ASAP1: variants seen among roughly 807,000 people sequenced by gnomAD.
ASAP1 encodes ArfGAP with SH3 domain, ankyrin repeat and PH domain 1, also known as arf-GAP with SH3 domain, ANK repeat and PH domain-containing protein 1.
ASAP1 carries 43 observed loss-of-function variants against 145.2 expected under a neutral mutation model. The observed-to-expected ratio is 0.30, with a 90% CI of 0.23 to 0.38. ASAP1 has a LOEUF of 0.38. Among genes scored for constraint, ASAP1 ranks in the 10% least tolerant of loss-of-function variants. The probability of loss-of-function intolerance (pLI) is 1.00; values close to 1 mark genes in which losing one functional copy is unlikely to be tolerated. For synonymous variants in ASAP1, 546 were observed against 515.5 expected, an observed-to-expected ratio of 1.06 and a Z score of -0.80; for missense variants, 1,018 against 1,355.3, an observed-to-expected ratio of 0.75 and a Z score of 3.91.
intron 5 of ASAP1, among the ~76,000 whole-genome samples, chr8:130,214,316 T>A (rs1377262337): frequency 6.6e-6 from 1 of 152,198 alleles, no homozygotes; most frequent in African/African-American, 2.4e-5. Context: ...CTCTATCAGC[T>A]GGGCCAAAGG....
At chr8:130,299,357 T>C (rs1304511844) in intron 3 of ASAP1, among the ~76,000 whole-genome samples, 5 of 152,236 alleles carry the variant, frequency 3.3e-5, no homozygotes, top group South Asian at 2.1e-4. Flanking sequence ...GCTACACGTA[T>C]GCACAGGGAA....
intron 7 of ASAP1, among the ~76,000 whole-genome samples, chr8:130,184,568 A>G (rs752352224): frequency 2.0e-5 from 3 of 152,240 alleles, no homozygotes; most frequent in Non-Finnish European, 2.9e-5. Context: ...GACAATACAG[A>G]TAAGTGAGAA....
intron 3 of ASAP1, among the ~76,000 whole-genome samples, chr8:130,301,082 C>A (rs1488042455): frequency 2.6e-5 from 4 of 152,172 alleles, no homozygotes; most frequent in Admixed American, 2.6e-4. Flanking sequence ...GCCAAAAAGT[C>A]CATTAGTTCA....
intron 17 of ASAP1, among the ~76,000 whole-genome samples, chr8:130,124,515 A>G (rs868226514): frequency 2.0e-5 from 3 of 152,350 alleles, no homozygotes; most frequent in Middle Eastern, 3.4e-3. Flanking sequence ...ATCAACCACC[A>G]TCATGTTTCC....
intron 24 of ASAP1, among the ~76,000 whole-genome samples, chr8:130,104,089 T>C (rs1397956338): frequency 6.6e-6 from 1 of 152,198 alleles, no homozygotes. Context: ...GCATGATCTG[T>C]ACTGTCTCCA....
At chr8:130,376,109 C>A (rs1827478428) in intron 2 of ASAP1, among the ~76,000 whole-genome samples, 1 of 152,202 alleles carries the variant, frequency 6.6e-6, no homozygotes, top group South Asian at 2.1e-4. Flanking sequence ...GCACATACTA[C>A]AGTAATTCAG....
chr8:130,100,288 T>C (rs1340918171), intron 24 of ASAP1, among the ~76,000 whole-genome samples: 2 of 152,188 alleles, frequency 1.3e-5, no homozygotes, highest in South Asian at 4.1e-4. Flanking sequence ...TTTTTTCATA[T>C]ACTTATTAGC....
intron 3 of ASAP1, among the ~76,000 whole-genome samples, chr8:130,307,914 T>C (rs1823092890): frequency 6.6e-6 from 1 of 152,228 alleles, no homozygotes; most frequent in South Asian, 2.1e-4. Flanking sequence ...AACTTTAGTG[T>C]TAAAATACAC....
At chr8:130,193,833 C>A (rs1261374301) in intron 5 of ASAP1, among the ~76,000 whole-genome samples, 2 of 152,200 alleles carry the variant, frequency 1.3e-5, no homozygotes, top group African/African-American at 4.8e-5. Context: ...GTACTGACCA[C>A]ACACCAAACA....
intron 3 of ASAP1, among the ~76,000 whole-genome samples, chr8:130,261,827 T>G (rs1819918103): frequency 1.3e-5 from 2 of 151,972 alleles, no homozygotes; most frequent in Admixed American, 1.3e-4. Context: ...TCAAGGGATC[T>G]CCCTCCCTCC....
At chr8:130,278,701 T>C (rs1821072164) in intron 3 of ASAP1, among the ~76,000 whole-genome samples, 1 of 152,226 alleles carries the variant, frequency 6.6e-6, no homozygotes, top group South Asian at 2.1e-4. Context: ...GGATATTTTA[T>C]CCATATGCAT....
Position 130,128,701 on chromosome 8 carries a change from A to T in ASAP1, c.1218-611T>A, listed in dbSNP as rs76239957. Reference sequence around the variant, plus strand: ...AGATTTACTTATATACAGTATGACTACTGTATGTCCCAAACAAAATAACCC... The same window carrying T: ...AGATTTACTTATATACAGTATGACTTCTGTATGTCCCAAACAAAATAACCC... On this transcript the variant is annotated intron_variant, in intron 15 of 29. Transcript: ENST00000518721. 3.2e-3 allele frequency among the ~76,000 whole-genome samples: 484 copies of T among 152,322 alleles called. 2 individuals are homozygous for T. Among genetic ancestry groups the T allele is most frequent in the African/African-American group, 0.011 (459 of 41,568 alleles).
At chr8:130,433,407 A>G (rs368472545) in intron 1 of ASAP1, among the ~76,000 whole-genome samples, 28 of 152,308 alleles carry the variant, frequency 1.8e-4, no homozygotes, top group African/African-American at 6.0e-4. Flanking sequence ...AGTAAAGCCC[A>G]GACACCTCTT....
In ASAP1 at chr8:130,057,175, T is replaced by C. The variant is rs1024846412; in HGVS notation, c.3315+779A>G. On this transcript the variant is annotated intron_variant, in intron 29 of 29. Transcript: ENST00000518721. Reference sequence around the variant, plus strand: ...TTGAGTCTGAGGACTTGTCAACTGCTCAGCCTGAGCAGGAACTTGGGCATT... The same window carrying C: ...TTGAGTCTGAGGACTTGTCAACTGCCCAGCCTGAGCAGGAACTTGGGCATT... 5.9e-5 allele frequency among the ~76,000 whole-genome samples: 9 copies of C among 152,176 alleles called. No individual in the cohort carries two copies. The East Asian group carries it at 1.7e-3, about 29-fold the overall frequency.
At chr8:130,119,009 A>T (rs907888116) in intron 18 of ASAP1, among the ~76,000 whole-genome samples, 2 of 152,230 alleles carry the variant, frequency 1.3e-5, no homozygotes, top group African/African-American at 2.4e-5. Context: ...TAAATTTAAA[A>T]ATTTAAGAAG....
At chr8:130,210,313 T>G (rs1205251708) in intron 5 of ASAP1, among the ~76,000 whole-genome samples, 1 of 152,224 alleles carries the variant, frequency 6.6e-6, no homozygotes, top group Admixed American at 6.5e-5. Flanking sequence ...TAGTTATTTT[T>G]CCATAAAAAT....
At chr8:130,369,744 A>T (rs1586922834) in intron 2 of ASAP1, among the ~76,000 whole-genome samples, 1 of 152,334 alleles carries the variant, frequency 6.6e-6, no homozygotes, top group Non-Finnish European at 1.5e-5. Context: ...GGATGTGAAG[A>T]AACTGGAACC....
At chr8:130,357,990 G>C in intron 3 of ASAP1, 27 bp downstream of exon 3, 4 of 1,590,954 alleles carry the variant, frequency 2.5e-6, no homozygotes, top group Non-Finnish European at 3.4e-6. Context: ...GGCGAGCGTG[G>C]ACGGCGGGGG....
At chr8:130,284,194 A>G (rs2137224273) in intron 3 of ASAP1, among the ~76,000 whole-genome samples, 1 of 152,254 alleles carries the variant, frequency 6.6e-6, no homozygotes, top group East Asian at 1.9e-4. Context: ...TAAAGAACAA[A>G]TCCCTTTTAA....
Sources: allele counts gnomAD v4.1 joint callset (sites outside exome capture counted in the v4.1 genomes callset), GRCh38; gene constraint gnomAD v4.1.1; transcripts MANE v1.5; gene names NCBI Gene and HGNC (gene_info 2026-07-23, HGNC 2026-07-21).